The following AZIN1 variants were observed in gnomAD, a reference collection of about 807,000 sequenced individuals.
AZIN1 encodes ornithine decarboxylase antizyme inhibitor.
Under a neutral mutation model 47.4 loss-of-function variants are expected in AZIN1, and 12 were observed. The ratio of observed to expected loss-of-function variants is 0.25; its 90% CI spans 0.16 to 0.41. The LOEUF (loss-of-function observed/expected upper bound fraction) is 0.41, where lower values mean the gene tolerates loss of function less well. Among genes scored for constraint, AZIN1 ranks in the 10% least tolerant of loss-of-function variants. The probability of loss-of-function intolerance (pLI) is 1.00; values close to 1 mark genes in which losing one functional copy is unlikely to be tolerated. For missense variants in AZIN1, 410 were observed against 532.4 expected, an observed-to-expected ratio of 0.77 and a Z score of 2.26; for synonymous variants, 155 against 176.3, an observed-to-expected ratio of 0.88 and a Z score of 0.96.
intron 2 of AZIN1, 144 bp downstream of exon 2, chr8:102,857,869 T>C (rs1001779478): frequency 9.6e-5 from 38 of 394,610 alleles, no homozygotes; most frequent in Non-Finnish European, 1.6e-4. Flanking sequence ...CCAGTAACTG[T>C]CTTATCTCTA....
chr8:102,829,993 CAAATT>C (rs1811332851), intron 9 of AZIN1, 57 bp from the exon 10 acceptor site: 2 of 1,078,914 alleles, frequency 1.9e-6, no homozygotes, highest in South Asian at 2.7e-5. Context: ...TCATATGAAA[CAAATT>C]AATGTAATTT....
At chr8:102,850,802 C>T (rs1812870502) in intron 2 of AZIN1, among the ~76,000 whole-genome samples, 2 of 151,992 alleles carry the variant, frequency 1.3e-5, no homozygotes, top group Admixed American at 6.6e-5. Flanking sequence ...AGGAAGAAGA[C>T]TAAAGGTGAC....
chr8:102,847,516 G>A (rs1334864919), intron 2 of AZIN1, among the ~76,000 whole-genome samples: 1 of 151,946 alleles, frequency 6.6e-6, no homozygotes, highest in East Asian at 1.9e-4. Context: ...AAACTTAGGG[G>A]TGGTGGTAAT....
At chr8:102,830,056 A>G in intron 9 of AZIN1, 120 bp from the exon 10 acceptor site, 2 of 695,386 alleles carry the variant, frequency 2.9e-6, no homozygotes, top group Non-Finnish European at 4.8e-6. Context: ...TAGAGCACGC[A>G]TTTCACAAAG....
intron 3 of AZIN1, 52 bp downstream of exon 3, chr8:102,843,493 AGCACTC>A: frequency 6.9e-7 from 1 of 1,451,876 alleles, no homozygotes; most frequent in Non-Finnish European, 9.6e-7. Context: ...GAAATTAAAA[AGCACTC>A]GTTTCAGAGC....
chr8:102,829,732 TG>T (rs2131188292), intron 10 of AZIN1, 88 bp downstream of exon 10: 2 of 1,021,720 alleles, frequency 2.0e-6, no homozygotes, highest in African/African-American at 3.2e-5. Flanking sequence ...CATTCTAAGA[TG>T]TTTTTCAAAA....
chr8:102,832,801 C>G (rs956468333), intron 9 of AZIN1, among the ~76,000 whole-genome samples: 18 of 152,190 alleles, frequency 1.2e-4, no homozygotes, highest in African/African-American at 4.1e-4. Context: ...CCACCATGAC[C>G]AGCTAAGTTT....
intron 1 of AZIN1, among the ~76,000 whole-genome samples, 171 bp from the exon 2 acceptor site, chr8:102,858,321 G>A (rs1446266156): frequency 1.3e-5 from 2 of 152,162 alleles, no homozygotes; most frequent in Admixed American, 1.3e-4. Flanking sequence ...AGTACTTTAT[G>A]CAGTAAACAT....
Position 102,839,671 on chromosome 8 carries a change from G to A in AZIN1, c.255C>T (p.Thr85=), listed in dbSNP as rs1216885059. Residue 85 remains threonine, a synonymous_variant, in exon 4 of 12, where the codon ACC becomes ACT. Coordinates refer to ENST00000337198, the MANE Select transcript of AZIN1 (RefSeq NM_148174.4). The part of the protein sequence containing the change: ...AVLEILAALG[T]GFACSSKNEM... ...TTACTTTACTGGAACAAGCAAATCC[G>A]GTTCCAAGAGCTGCCAAAATCTCAA... The A allele has an allele frequency of 8.3e-6, 13 of 1,565,562 alleles. No homozygotes were observed. Among genetic ancestry groups the A allele is most frequent in the Middle Eastern group, 1.7e-4 (1 of 5,932 alleles).
Position 102,828,332 on chromosome 8 carries a change from AG to A in AZIN1, c.*234del. ...TTGCATATTTTATTTTAAACGCTTA[AG>A]GGGTAGGACAAACTGGTAGGTTTAA... On this transcript the variant is annotated 3_prime_UTR_variant, in exon 12 of 12. Transcript: ENST00000337198. 2.9e-6 allele frequency: 1 copy of A among 348,970 alleles called. No homozygotes were observed. 21.6% of individuals were successfully genotyped at this position (348,970 alleles called of 1,614,324 possible).
intron 2 of AZIN1, among the ~76,000 whole-genome samples, chr8:102,852,446 G>T (rs1262029180): frequency 6.6e-6 from 1 of 152,064 alleles, no homozygotes; most frequent in Non-Finnish European, 1.5e-5. Context: ...ATGGTGGTGT[G>T]TGCCTGTAAT....
intron 2 of AZIN1, among the ~76,000 whole-genome samples, chr8:102,848,080 T>C (rs1311257677): frequency 4.6e-5 from 7 of 152,228 alleles, no homozygotes; most frequent in African/African-American, 1.7e-4. Flanking sequence ...GTGTTACAAC[T>C]GTCAACAGTA....
chr8:102,832,582 A>C lies in AZIN1; in HGVS notation c.904+474T>G, dbSNP rs550049597. Among the ~76,000 whole-genome samples the C allele has an allele frequency of 2.0e-5, 3 of 152,352 alleles. No individual in the cohort carries two copies. The South Asian group carries it at 6.2e-4, about 32-fold the overall frequency. On this transcript the variant is annotated intron_variant, in intron 9 of 11. Transcript: ENST00000337198. ...ACATTTATCTAAAACACACGTATCT[A>C]AACATCAGTACCAAGAAAGTTGGAT...
intron 1 of AZIN1, chr8:102,859,094 A>C (rs1813466224): frequency 6.6e-6 from 1 of 151,380 alleles, no homozygotes; most frequent in Admixed American, 6.6e-5. Flanking sequence ...ACCAGGATCA[A>C]GGCACTCCTG....
chr8:102,854,285 G>C (rs946268359), intron 2 of AZIN1, among the ~76,000 whole-genome samples: 4 of 152,004 alleles, frequency 2.6e-5, no homozygotes, highest in Non-Finnish European at 5.9e-5. Context: ...ACATGAGGAA[G>C]GAGTACTAGC....
chr8:102,837,506 C>G (rs903100729), intron 5 of AZIN1, among the ~76,000 whole-genome samples: 2 of 152,072 alleles, frequency 1.3e-5, no homozygotes, highest in Non-Finnish European at 2.9e-5. Context: ...ATTTGATAAT[C>G]AGAGGACAAG....
At chr8:102,861,071 C>T (rs1813616698) in intron 1 of AZIN1, among the ~76,000 whole-genome samples, 1 of 152,124 alleles carries the variant, frequency 6.6e-6, no homozygotes, top group Non-Finnish European at 1.5e-5. Context: ...AAGTCTCGAA[C>T]GTTTCATAGT....
intron 3 of AZIN1, among the ~76,000 whole-genome samples, chr8:102,840,025 T>C (rs1275572082): frequency 6.6e-6 from 1 of 152,252 alleles, no homozygotes; most frequent in Non-Finnish European, 1.5e-5. Context: ...TTTCTTCTTA[T>C]ATTTGATTAC....
At chr8:102,837,882 C>T (rs1811922025) in intron 5 of AZIN1, among the ~76,000 whole-genome samples, 1 of 152,192 alleles carries the variant, frequency 6.6e-6, no homozygotes, top group Admixed American at 6.5e-5. Context: ...TAAGCCCTCT[C>T]GATATACCAG....
Sources: gnomAD v4.1 joint callset for allele counts (sites outside exome capture counted in the v4.1 genomes callset) on GRCh38, gnomAD v4.1.1 for gene constraint, MANE v1.5 for transcripts, NCBI Gene and HGNC (gene_info 2026-07-23, HGNC 2026-07-21) for gene names.